The following TMX2 variants were observed in gnomAD, a reference collection of about 807,000 sequenced individuals.
The protein encoded by TMX2 is thioredoxin related transmembrane protein 2.
A neutral mutation model predicts 33.4 loss-of-function variants in TMX2; 20 were observed. That is an observed-to-expected ratio of 0.60 (90% CI 0.42 to 0.87). The LOEUF (loss-of-function observed/expected upper bound fraction) is 0.87, where lower values mean the gene tolerates loss of function less well. Among genes scored for constraint, TMX2 ranks in the 40% least tolerant of loss-of-function variants. TMX2 has a pLI of 0.00. For synonymous variants in TMX2, 166 were observed against 140.7 expected (o/e 1.18, Z -1.27); for missense variants, 340 against 370.7 (o/e 0.92, Z 0.68).
chr11:57,739,049 G>C lies in TMX2; in HGVS notation c.614+10G>C, dbSNP rs1195601943. ...CTGATGTTAGTACGCGGTATGTAAAGACCTGGGCAGAGGGTCTGAGCAGGG... is the reference window on the plus strand; with the variant it reads ...CTGATGTTAGTACGCGGTATGTAAACACCTGGGCAGAGGGTCTGAGCAGGG... On this transcript the variant is annotated intron_variant, in intron 6 of 7. Coordinates refer to ENST00000278422, the MANE Select transcript of TMX2 (RefSeq NM_015959.4). 6.2e-7 allele frequency: 1 copy of C among 1,614,020 alleles called. No homozygotes were observed. Among genetic ancestry groups the C allele is most frequent in the East Asian group, 2.2e-5 (1 of 44,902 alleles).
intron 1 of TMX2, among the ~76,000 whole-genome samples, chr11:57,725,191 G>A (rs530384815): frequency 2.4e-4 from 36 of 152,076 alleles, no homozygotes; most frequent in Non-Finnish European, 3.7e-4. Flanking sequence ...GCATTTATCG[G>A]GGCTGATGGC....
intron 1 of TMX2, among the ~76,000 whole-genome samples, chr11:57,728,767 G>T (rs972887149): frequency 1.3e-5 from 2 of 152,120 alleles, no homozygotes; most frequent in Non-Finnish European, 2.9e-5. Context: ...TGAAGAGAAA[G>T]GGTGTTTGCT....
At position 57,712,785 on chromosome 11, in the gene TMX2, G is replaced by A. The variant is rs1454130982; in HGVS notation, c.167G>A (p.Gly56Asp). 3 of 1,614,010 alleles carry A rather than the reference G, an allele frequency of 1.9e-6. No individual in the cohort carries two copies. Among genetic ancestry groups the A allele is most frequent in the African/African-American group, 2.7e-5 (2 of 74,944 alleles). The part of the protein sequence containing the change: ...CHGLPTQRED[G>D]NPCDFDWREV... ...GGTCTGCCCACCCAACGCGAAGACG[G>A]TAACCCGTGTGACTTTGACTGGGTG... Residue 56 changes from glycine to aspartate, a missense_variant, in exon 1 of 8, where the codon GGT (glycine) becomes GAT (aspartate). Coordinates refer to ENST00000278422, the MANE Select transcript of TMX2 (RefSeq NM_015959.4).
Position 57,740,258 on chromosome 11 carries a change from G to A in TMX2, c.*13G>A. ...GAAGGATAAATAAGATCCTCACTTT[G>A]GCAGTGCTTCCTCTCCTGTCAATTC... On this transcript the variant is annotated 3_prime_UTR_variant, in exon 8 of 8. Transcript: ENST00000278422. The A allele has an allele frequency of 3.2e-6, 5 of 1,573,212 alleles. No homozygotes were observed. The highest frequency in any genetic ancestry group is 1.4e-5 in the African/African-American group (1 of 73,174).
At chr11:57,721,348 T>G (rs913092493) in intron 1 of TMX2, among the ~76,000 whole-genome samples, 7 of 126,160 alleles carry the variant, frequency 5.5e-5, no homozygotes, top group South Asian at 2.2e-4. Context: ...AAATAAAGTT[T>G]TTTTTTTTTT....
rs757582343 is a variant in TMX2 at position 57,740,257 on chromosome 11, T to C, written c.*12T>C. On this transcript the variant is annotated 3_prime_UTR_variant, in exon 8 of 8. Coordinates refer to ENST00000278422, the MANE Select transcript of TMX2 (RefSeq NM_015959.4). ...AGAAGGATAAATAAGATCCTCACTT[T>C]GGCAGTGCTTCCTCTCCTGTCAATT... is the stretch of plus-strand genomic sequence containing the variant. 52 of 1,574,038 alleles carry C rather than the reference T, an allele frequency of 3.3e-5. No homozygotes were observed. The Middle Eastern group carries it at 5.1e-4, about 15-fold the overall frequency.
chr11:57,725,621 C>T (rs924835336), intron 1 of TMX2, among the ~76,000 whole-genome samples: 10 of 152,074 alleles, frequency 6.6e-5, no homozygotes, highest in Admixed American at 1.3e-4. Context: ...CCTGTAATCC[C>T]AGCTACTTGG....
intron 1 of TMX2, among the ~76,000 whole-genome samples, chr11:57,730,926 A>T (rs1232645420): frequency 1.3e-5 from 2 of 152,202 alleles, no homozygotes; most frequent in Non-Finnish European, 2.9e-5. Context: ...GGCTATGATT[A>T]AAGAAAATCA....
chr11:57,717,746 G>GGGGAGA (rs202170208), intron 1 of TMX2, among the ~76,000 whole-genome samples: 8,255 of 83,838 alleles, frequency 0.098, 1,489 homozygotes, highest in African/African-American at 0.3. Context: ...AGAGGGGAGA[G>GGGGAGA]GGGAGAGGGA....
chr11:57,734,828 TAGTTTCA>T (rs1199396281), intron 1 of TMX2, among the ~76,000 whole-genome samples: 1 of 151,904 alleles, frequency 6.6e-6, no homozygotes, highest in African/African-American at 2.4e-5. Context: ...CTAACCCACC[TAGTTTCA>T]TTCATGAAAA....
rs754575298 is a variant in TMX2 at position 57,738,936 on chromosome 11, A to AT, written c.549-30dup. 6.5e-5 allele frequency: 103 copies of AT among 1,591,600 alleles called. No individual in the cohort carries two copies. The African/African-American group carries it at 8.8e-4, about 14-fold the overall frequency. On this transcript the variant is annotated intron_variant, in intron 5 of 7. Coordinates refer to ENST00000278422, the MANE Select transcript of TMX2 (RefSeq NM_015959.4). ...ATACTTCCACTTTCCTTGATCCATTATTTTTTTTCAGCATATTAAATAATA... is the reference window on the plus strand; with the variant it reads ...ATACTTCCACTTTCCTTGATCCATTATTTTTTTTTCAGCATATTAAATAATA...
chr11:57,738,306 T>C (rs774029749), intron 3 of TMX2, 48 bp from the exon 4 acceptor site: 2 of 1,403,650 alleles, frequency 1.4e-6, no homozygotes, highest in South Asian at 1.2e-5. Context: ...GTAAATTCCC[T>C]GTGTAAGGCT....
rs751112195 is a variant in TMX2, at chr11:57,712,657, G to C, written c.39G>C (p.Ser13=). The change falls in exon 1 of 8, where the codon TCG becomes TCC. Residue 13 remains serine, a synonymous_variant. Coordinates refer to ENST00000278422, the MANE Select transcript of TMX2 (RefSeq NM_015959.4). ...CACCTCTAATTGCTCTCGTGTATTC[G>C]GTGCCGCGACTTTCACGATGGCTCG... ...VLAPLIALVY[S]VPRLSRWLAQ... is the part of the protein sequence containing the mutation. 24 of 1,614,004 alleles carry C rather than the reference G, an allele frequency of 1.5e-5. No homozygotes were observed. In the Admixed American group the frequency reaches 4.0e-4, roughly 27 times the overall value.
intron 1 of TMX2, among the ~76,000 whole-genome samples, chr11:57,736,212 C>G (rs542908920): frequency 2.6e-5 from 4 of 152,178 alleles, no homozygotes; most frequent in African/African-American, 9.6e-5. Flanking sequence ...TTGTCTGTCT[C>G]ACTTGCTCAC....
rs1021221281 is a variant in TMX2 at position 57,740,339 on chromosome 11, C to T, written c.*94C>T. On this transcript the variant is annotated 3_prime_UTR_variant, in exon 8 of 8. Transcript: ENST00000278422. Reference sequence around the variant, plus strand: ...CTGCAGCCTTTTATTTATGTTTTCCCTTTGGCTGTGACTGGGTGGGGCAGC... The same window carrying T: ...CTGCAGCCTTTTATTTATGTTTTCCTTTTGGCTGTGACTGGGTGGGGCAGC... 1.7e-5 allele frequency: 24 copies of T among 1,418,464 alleles called. No homozygotes were observed. The highest frequency in any genetic ancestry group is 6.0e-5 in the Admixed American group (2 of 33,612). 87.9% of individuals were successfully genotyped at this position (1,418,464 alleles called of 1,614,324 possible). A position where few individuals can be genotyped will look rare whatever the true frequency, so the allele number is the denominator to read the frequency against.
chr11:57,721,782 T>G (rs993412118), intron 1 of TMX2, among the ~76,000 whole-genome samples: 1 of 152,086 alleles, frequency 6.6e-6, no homozygotes. Flanking sequence ...AGCGAAAGAC[T>G]CTTGTTTTCA....
intron 1 of TMX2, chr11:57,718,295 C>A: frequency 6.5e-7 from 1 of 1,547,350 alleles, no homozygotes; most frequent in East Asian, 2.4e-5. Flanking sequence ...CAAATTTCTC[C>A]CCATAGATGG....
intron 1 of TMX2, among the ~76,000 whole-genome samples, chr11:57,714,844 T>C (rs1422346486): frequency 6.6e-6 from 1 of 152,078 alleles, no homozygotes; most frequent in Non-Finnish European, 1.5e-5. Flanking sequence ...TCCTCCTGAC[T>C]TGGCTTCCTA....
intron 3 of TMX2, 88 bp downstream of exon 3, chr11:57,738,114 A>C: frequency 2.9e-6 from 3 of 1,051,778 alleles, no homozygotes; most frequent in Non-Finnish European, 4.2e-6. Flanking sequence ...CAACAGTTGC[A>C]ATCCCAAACA....
Sources: gnomAD v4.1 joint callset for allele counts (sites outside exome capture counted in the v4.1 genomes callset) on GRCh38, gnomAD v4.1.1 for gene constraint, MANE v1.5 for transcripts, NCBI Gene and HGNC (gene_info 2026-07-23, HGNC 2026-07-21) for gene names.